The following PNPLA5 variants were observed in gnomAD, a reference collection of about 807,000 sequenced individuals.
The protein encoded by PNPLA5 is patatin like domain 5, triacylglycerol lipase.
Under a neutral mutation model 49.1 loss-of-function variants are expected in PNPLA5, and 44 were observed. The observed-to-expected ratio is 0.90, with a 90% CI of 0.70 to 1.15. The LOEUF is 1.15. Among genes scored for constraint, PNPLA5 ranks in the 50% most tolerant of loss-of-function variants. The pLI is 0.00. For synonymous variants in PNPLA5, 243 were observed against 244.4 expected (o/e 0.99, Z 0.06); for missense variants, 603 against 564.0 (o/e 1.07, Z -0.70).
intron 4 of PNPLA5, 34 bp downstream of exon 4, chr22:43,889,295 C>T: frequency 1.2e-6 from 2 of 1,609,124 alleles, no homozygotes; most frequent in Non-Finnish European, 1.7e-6. Flanking sequence ...TGACCTTGGC[C>T]AAGCCTCTAA....
chr22:43,891,370 C>G, intron 1 of PNPLA5, 76 bp from the exon 2 acceptor site: 1 of 1,472,304 alleles, frequency 6.8e-7, no homozygotes, highest in Non-Finnish European at 8.9e-7. Flanking sequence ...CACTGCCCTC[C>G]TAGGTGCAGT....
chr22:43,884,374 C>T lies in PNPLA5; in HGVS notation c.950-29G>A, dbSNP rs752425684. On this transcript the variant is annotated intron_variant, in intron 6 of 8. Transcript: ENST00000216177. ...CAAGAGAAGCCCTGGCATGGCCCTG[C>T]CCACCTGAAGTCTGTGGGCCAGCAA... 4.6e-6 allele frequency: 7 copies of T among 1,522,294 alleles called. No individual in the cohort carries two copies. In the South Asian group the frequency reaches 5.1e-5, roughly 11 times the overall value. 94.3% of individuals were successfully genotyped at this position (1,522,294 alleles called of 1,614,324 possible).
chr22:43,884,427 G>T, intron 6 of PNPLA5, 82 bp from the exon 7 acceptor site: 1 of 1,435,636 alleles, frequency 7.0e-7, no homozygotes. Flanking sequence ...CACACAGTAA[G>T]AGACTGCACC....
chr22:43,891,579 C>T, intron 1 of PNPLA5, 109 bp downstream of exon 1: 1 of 1,374,280 alleles, frequency 7.3e-7, no homozygotes, highest in Non-Finnish European at 9.6e-7. Context: ...TGAGGCTGTG[C>T]CGGGGGTAGA....
At chr22:43,891,346 T>G in intron 1 of PNPLA5, 52 bp from the exon 2 acceptor site, 1 of 1,510,776 alleles carries the variant, frequency 6.6e-7, no homozygotes, top group South Asian at 1.3e-5. Flanking sequence ...ATCCTGCCAG[T>G]CCCTCCACAC....
intron 4 of PNPLA5, 88 bp downstream of exon 4, chr22:43,889,241 G>T: frequency 2.8e-6 from 4 of 1,441,586 alleles, no homozygotes; most frequent in East Asian, 2.3e-5. Flanking sequence ...GGCTCGGGGG[G>T]CAGTGGGGGT....
At position 43,889,820 on chromosome 22, in the gene PNPLA5, G is replaced by T. The variant is rs145530414; in HGVS notation, c.471C>A (p.Ile157=). 2.5e-6 allele frequency: 4 copies of T among 1,613,350 alleles called. No individual in the cohort carries two copies. Among genetic ancestry groups the T allele is most frequent in the Admixed American group, 3.3e-5 (2 of 60,004 alleles). The part of the protein sequence containing the change: ...TLYFPFYCGL[I]PPEFRGERYI... ...TCACCTCCCCTCTGAACTCGGGGGGGATCAGCCCGCAGTAGAAAGGAAAGT... is the reference window on the plus strand; with the variant it reads ...TCACCTCCCCTCTGAACTCGGGGGGTATCAGCCCGCAGTAGAAAGGAAAGT... Residue 157 remains isoleucine (I), a synonymous_variant, in exon 3 of 9, where the codon ATC becomes ATA. Coordinates refer to ENST00000216177, the MANE Select transcript of PNPLA5 (RefSeq NM_138814.4).
At position 43,889,241 on chromosome 22, in the gene PNPLA5, G is replaced by A. The variant is rs550056040; in HGVS notation, c.702+88C>T. On this transcript the variant is annotated intron_variant, in intron 4 of 8. Transcript: ENST00000216177. ...TTGTAACTGCCTTCAGGCTCGGGGGGCAGTGGGGGTTAGGAGCACACAGAG... is the reference window on the plus strand; with the variant it reads ...TTGTAACTGCCTTCAGGCTCGGGGGACAGTGGGGGTTAGGAGCACACAGAG... 2.8e-5 allele frequency: 41 copies of A among 1,441,586 alleles called. No individual in the cohort carries two copies. The Admixed American group carries it at 5.3e-4, about 19-fold the overall frequency. 89.3% of individuals were successfully genotyped at this position (1,441,586 alleles called of 1,614,324 possible). A position where few individuals can be genotyped will look rare whatever the true frequency, so the allele number is the denominator to read the frequency against.
intron 7 of PNPLA5, among the ~76,000 whole-genome samples, chr22:43,882,967 G>C (rs2049625499): frequency 6.6e-6 from 1 of 152,184 alleles, no homozygotes; most frequent in Non-Finnish European, 1.5e-5. Context: ...TGGCTCCAGA[G>C]CTCAGTGCGT....
At chr22:43,882,431 C>G (rs1281427738) in intron 7 of PNPLA5, among the ~76,000 whole-genome samples, 1 of 152,224 alleles carries the variant, frequency 6.6e-6, no homozygotes, top group Admixed American at 6.5e-5. Flanking sequence ...ACCACAGCAC[C>G]CTTGGAGGGG....
At chr22:43,881,122 G>A (rs1470782132) in intron 8 of PNPLA5, among the ~76,000 whole-genome samples, 1 of 152,218 alleles carries the variant, frequency 6.6e-6, no homozygotes, top group Non-Finnish European at 1.5e-5. Context: ...TGTCGAGTGG[G>A]TGGGGGAGGG....
rs769702687 is a variant in PNPLA5, at chr22:43,891,113, G to A, written c.375C>T (p.Asp125=). 4 of 1,610,208 alleles carry A rather than the reference G, an allele frequency of 2.5e-6. No homozygotes were observed. The highest frequency in any genetic ancestry group is 1.1e-5 in the South Asian group (1 of 90,688). ...RLGISLTRWP[D]GRNFLVTDFA... The stretch of plus-strand genomic sequence containing the variant: ...AGTCAGTGACCAAGAAGTTGCGTCC[G>A]TCAGGCCAGCGGGTCAGCGAAATGC... Residue 125 remains aspartate (D), a synonymous_variant, in exon 2 of 9, where the codon GAC becomes GAT. Coordinates refer to ENST00000216177, the MANE Select transcript of PNPLA5 (RefSeq NM_138814.4).
Position 43,889,361 on chromosome 22 carries a change from C to G in PNPLA5, c.670G>C (p.Gly224Arg). The change falls in exon 4 of 9, where the codon GGG becomes CGG. Residue 224 changes from glycine (G) to arginine (R), a missense_variant. By Grantham distance (125) the Gly-to-Arg change is moderately radical (BLOSUM62 -2). Transcript: ENST00000216177. ...CTGGGGGGTATGAGACATATGAGCC[C>G]CAGGAAGAAGTTCTCAGTGGAGATT... ...FQISTENFFLGLICLIPPSLE... is the reference protein window; with the variant it reads ...FQISTENFFLRLICLIPPSLE... 1 of 1,613,978 alleles carries G rather than the reference C, an allele frequency of 6.2e-7. No homozygotes were observed. The highest frequency in any genetic ancestry group is 2.2e-5 in the East Asian group (1 of 44,870).
intron 1 of PNPLA5, 109 bp from the exon 2 acceptor site, chr22:43,891,403 C>T: frequency 2.8e-6 from 4 of 1,427,038 alleles, no homozygotes; most frequent in Non-Finnish European, 3.6e-6. Context: ...CTCCCCACTC[C>T]AGCTCAGAAT....
chr22:43,880,386 C>A lies in PNPLA5; in HGVS notation c.*409G>T. The A allele has an allele frequency of 2.5e-6, 1 of 398,738 alleles. No individual in the cohort carries two copies. The highest frequency in any genetic ancestry group is 4.4e-6 in the Non-Finnish European group (1 of 226,168). 24.7% of individuals were successfully genotyped at this position (398,738 alleles called of 1,614,324 possible). ...AAAGTCTGGGGGGAGCACCCCCACCCCATCATCTCAGTTGGCTCCTCTGGT... is the reference window on the plus strand; with the variant it reads ...AAAGTCTGGGGGGAGCACCCCCACCACATCATCTCAGTTGGCTCCTCTGGT... On this transcript the variant is annotated 3_prime_UTR_variant, in exon 9 of 9. Coordinates refer to ENST00000216177, the MANE Select transcript of PNPLA5 (RefSeq NM_138814.4).
chr22:43,882,397 G>A (rs940725747), intron 7 of PNPLA5, among the ~76,000 whole-genome samples: 1 of 152,214 alleles, frequency 6.6e-6, no homozygotes, highest in Non-Finnish European at 1.5e-5. Context: ...CTCAGACACT[G>A]GCCACTGCAG....
chr22:43,891,971 C>T lies in PNPLA5; in HGVS notation c.-91G>A. Reference sequence around the variant, plus strand: ...GGATGCAGCCTTGGACGGGGCTGGGCCCAAATGTGGGCTCTGGAGGGAGCC... The same window carrying T: ...GGATGCAGCCTTGGACGGGGCTGGGTCCAAATGTGGGCTCTGGAGGGAGCC... On this transcript the variant is annotated 5_prime_UTR_variant, in exon 1 of 9. Coordinates refer to ENST00000216177, the MANE Select transcript of PNPLA5 (RefSeq NM_138814.4). The T allele has an allele frequency of 3.8e-6, 5 of 1,313,798 alleles. No homozygotes were observed. The highest frequency in any genetic ancestry group is 5.1e-6 in the Non-Finnish European group (5 of 983,564). The allele number at this position is 1,313,798 out of a possible 1,614,324, so 81.4% of individuals were successfully genotyped here. A position where few individuals can be genotyped will look rare whatever the true frequency, so the allele number is the denominator to read the frequency against.
chr22:43,890,979 C>A, intron 2 of PNPLA5, 83 bp downstream of exon 2: 2 of 1,518,038 alleles, frequency 1.3e-6, no homozygotes, highest in Non-Finnish European at 1.8e-6. Context: ...GCAGAAACGT[C>A]TGACGGGGAA....
intron 2 of PNPLA5, 182 bp from the exon 3 acceptor site, chr22:43,890,046 CCT>C (rs1038901248): frequency 7.2e-7 from 1 of 1,381,998 alleles, no homozygotes; most frequent in South Asian, 1.6e-5. Context: ...GATTGGAGCA[CCT>C]CTGTCTTGAC....
Sources: gnomAD v4.1 joint callset for allele counts (sites outside exome capture counted in the v4.1 genomes callset) on GRCh38, gnomAD v4.1.1 for gene constraint, MANE v1.5 for transcripts, NCBI Gene and HGNC (gene_info 2026-07-23, HGNC 2026-07-21) for gene names.